LOC128092252: variants seen among roughly 807,000 people sequenced by gnomAD.
chr15:50,654,837 A>G, the LOC128092252 span, among the ~76,000 whole-genome samples: 2 of 148,802 alleles, frequency 1.3e-5, 1 homozygote, highest in Non-Finnish European at 3.0e-5. Flanking sequence ...CTCTACTAAA[A>G]AAAACCACAA....
chr15:50,655,019 A>G, the LOC128092252 span, among the ~76,000 whole-genome samples: 1 of 146,316 alleles, frequency 6.8e-6, no homozygotes, highest in African/African-American at 2.5e-5. Context: ...AAAAAAAAAG[A>G]AAAGAAAATT....
chr15:50,686,140 C>T, the LOC128092252 span, among the ~76,000 whole-genome samples: 4 of 152,206 alleles, frequency 2.6e-5, no homozygotes, highest in Non-Finnish European at 4.4e-5. Flanking sequence ...TATCTGCCAG[C>T]AACTGGCGCC....
At chr15:50,651,634 CGAAAAAATTAAA>C in the LOC128092252 span, among the ~76,000 whole-genome samples, 7 of 150,884 alleles carry the variant, frequency 4.6e-5, no homozygotes, top group African/African-American at 9.8e-5. Flanking sequence ...TGTCTCTAAA[CGAAAAAATTAAA>C]GAAAAAATTA....
chr15:50,683,233 TAA>T, the LOC128092252 span, among the ~76,000 whole-genome samples: 5 of 147,928 alleles, frequency 3.4e-5, no homozygotes, highest in African/African-American at 9.9e-5. Context: ...GGCAGTCACT[TAA>T]AAAAAAAAAA....
the LOC128092252 span, among the ~76,000 whole-genome samples, chr15:50,650,721 T>C: frequency 6.7e-6 from 1 of 150,230 alleles, no homozygotes; most frequent in African/African-American, 2.4e-5. Flanking sequence ...AACAAAAAAA[T>C]CAGACCTAGA....
chr15:50,682,266 A>G, the LOC128092252 span, among the ~76,000 whole-genome samples: 3 of 151,372 alleles, frequency 2.0e-5, no homozygotes, highest in Non-Finnish European at 4.4e-5. Context: ...TTACCTCCAC[A>G]CACCAAAATT....
At chr15:50,676,542 G>A in the LOC128092252 span, among the ~76,000 whole-genome samples, 2 of 151,870 alleles carry the variant, frequency 1.3e-5, no homozygotes, top group Non-Finnish European at 2.9e-5. Context: ...AACACAGCGA[G>A]ACCTCATCTC....
chr15:50,671,565 G>A, the LOC128092252 span, among the ~76,000 whole-genome samples: 1 of 152,110 alleles, frequency 6.6e-6, no homozygotes, highest in Non-Finnish European at 1.5e-5. Flanking sequence ...GCACCTTGCC[G>A]TGGGAGGAGG....
At chr15:50,656,495 TTTTC>T in the LOC128092252 span, among the ~76,000 whole-genome samples, 8 of 146,560 alleles carry the variant, frequency 5.5e-5, no homozygotes, top group Admixed American at 2.2e-4. Flanking sequence ...TTGTGTGTGG[TTTTC>T]TTTTTTTTTT....
the LOC128092252 span, among the ~76,000 whole-genome samples, chr15:50,650,037 C>CA: frequency 2.6e-5 from 4 of 151,122 alleles, no homozygotes; most frequent in Admixed American, 1.3e-4. Flanking sequence ...ACTAAAAATA[C>CA]AAAAAATTAG....
chr15:50,677,495 C>A, the LOC128092252 span, among the ~76,000 whole-genome samples: 3 of 152,028 alleles, frequency 2.0e-5, no homozygotes, highest in African/African-American at 7.2e-5. Context: ...AATCCCAGCA[C>A]TTTGGGAGGC....
the LOC128092252 span, among the ~76,000 whole-genome samples, chr15:50,652,328 C>CAAA: frequency 8.8e-5 from 3 of 34,230 alleles, no homozygotes; most frequent in African/African-American, 2.9e-4. Context: ...GACTCCATCT[C>CAAA]AAAAAAAAAA....
At chr15:50,651,635 G>A in the LOC128092252 span, among the ~76,000 whole-genome samples, 4 of 151,874 alleles carry the variant, frequency 2.6e-5, no homozygotes, top group South Asian at 2.1e-4. Flanking sequence ...GTCTCTAAAC[G>A]AAAAAATTAA....
At chr15:50,658,969 C>T in the LOC128092252 span, among the ~76,000 whole-genome samples, 1 of 152,078 alleles carries the variant, frequency 6.6e-6, no homozygotes, top group African/African-American at 2.4e-5. Flanking sequence ...GAGGCTGAGG[C>T]GGGAGGATCA....
chr15:50,648,926 T>C, the LOC128092252 span: 2 of 1,502,444 alleles, frequency 1.3e-6, no homozygotes, highest in South Asian at 1.3e-5. Flanking sequence ...TTCAAAAAAT[T>C]AGAGTTAATG....
At chr15:50,656,999 A>G in the LOC128092252 span, among the ~76,000 whole-genome samples, 16 of 152,070 alleles carry the variant, frequency 1.1e-4, no homozygotes, top group Admixed American at 1.0e-3. Context: ...TTTTCTTCCA[A>G]TCCAATCTAA....
chr15:50,673,105 T>C, the LOC128092252 span, among the ~76,000 whole-genome samples: 1 of 150,034 alleles, frequency 6.7e-6, no homozygotes, highest in African/African-American at 2.5e-5. Context: ...ATAAATTTAG[T>C]GTAGGCTAGG....
the LOC128092252 span, among the ~76,000 whole-genome samples, chr15:50,683,210 T>C: frequency 6.8e-6 from 1 of 146,794 alleles, no homozygotes; most frequent in Non-Finnish European, 1.5e-5. Context: ...CTTAAAGCAT[T>C]TGACATTTAA....
the LOC128092252 span, among the ~76,000 whole-genome samples, chr15:50,654,675 G>C: frequency 6.6e-5 from 10 of 151,230 alleles, no homozygotes; most frequent in Admixed American, 6.6e-4. Context: ...AGCAATCCTA[G>C]CACTGAAAAA....
Sources: allele counts gnomAD v4.1 joint callset (sites outside exome capture counted in the v4.1 genomes callset), GRCh38; gene constraint gnomAD v4.1.1; transcripts MANE v1.5.